The following CFAP276 variants were observed in gnomAD, a reference collection of about 807,000 sequenced individuals.
CFAP276 encodes the protein cilia and flagella associated protein 276.
the CFAP276 span, chr1:109,106,529 C>T: frequency 1.2e-6 from 2 of 1,613,700 alleles, no homozygotes; most frequent in Non-Finnish European, 1.7e-6. Context: ...GTCCTCTAAC[C>T]CTTACCTATG....
the CFAP276 span, chr1:109,107,936 G>T: frequency 1.7e-3 from 2,768 of 1,608,268 alleles, 47 homozygotes; most frequent in African/African-American, 0.033. Context: ...GATCAAAATA[G>T]TAGGCATCCC....
chr1:109,112,860 C>G, the CFAP276 span: 3 of 1,016,708 alleles, frequency 3.0e-6, no homozygotes, highest in Non-Finnish European at 2.7e-6. Context: ...CGGCTGACCA[C>G]GGGAGGCCCC....
chr1:109,106,634 A>C, the CFAP276 span: 3 of 1,613,964 alleles, frequency 1.9e-6, no homozygotes, highest in South Asian at 3.3e-5. Flanking sequence ...GGGGTTAAAA[A>C]TTCTCCAGGG....
At chr1:109,112,921 C>CG in the CFAP276 span, among the ~76,000 whole-genome samples, 98 of 152,072 alleles carry the variant, frequency 6.4e-4, no homozygotes, top group African/African-American at 2.3e-3. Flanking sequence ...TGAGCGGGCC[C>CG]GAGACTTGGA....
the CFAP276 span, among the ~76,000 whole-genome samples, chr1:109,110,399 A>T: frequency 6.6e-6 from 1 of 152,206 alleles, no homozygotes; most frequent in Non-Finnish European, 1.5e-5. Flanking sequence ...CTTGCTAGTT[A>T]TCAATGATCT....
At chr1:109,108,436 C>T in the CFAP276 span, among the ~76,000 whole-genome samples, 56 of 152,330 alleles carry the variant, frequency 3.7e-4, no homozygotes, top group African/African-American at 1.3e-3. Context: ...AGCCATCATG[C>T]CCGGCCCCAT....
chr1:109,112,679 T>C, the CFAP276 span: 1 of 1,550,274 alleles, frequency 6.5e-7, no homozygotes, highest in Non-Finnish European at 8.7e-7. Context: ...GTGGGAGGCA[T>C]GGCTAAATGC....
the CFAP276 span, chr1:109,113,630 T>C: frequency 8.1e-6 from 13 of 1,613,746 alleles, no homozygotes; most frequent in Non-Finnish European, 8.5e-7. Flanking sequence ...AGGGAACACG[T>C]ACTGGGGCCT....
At chr1:109,107,286 T>C in the CFAP276 span, among the ~76,000 whole-genome samples, 5 of 152,248 alleles carry the variant, frequency 3.3e-5, no homozygotes, top group African/African-American at 1.2e-4. Flanking sequence ...ATAACTCTTG[T>C]TGATATGGAA....
the CFAP276 span, chr1:109,107,062 A>G: frequency 6.2e-7 from 1 of 1,614,126 alleles, no homozygotes; most frequent in Non-Finnish European, 8.5e-7. Context: ...TTGTTCTTGA[A>G]TGTCCCAGTG....
At chr1:109,112,667 G>C in the CFAP276 span, 1 of 1,550,412 alleles carries the variant, frequency 6.4e-7, no homozygotes, top group South Asian at 1.2e-5. Context: ...AAAGGGTCCC[G>C]GGTGGGAGGC....
At chr1:109,113,647 G>A in the CFAP276 span, 4 of 1,613,936 alleles carry the variant, frequency 2.5e-6, no homozygotes, top group African/African-American at 5.3e-5. Context: ...GCCTCTTCCA[G>A]GCGACGACGT....
At chr1:109,113,453 A>AGGGAGT in the CFAP276 span, among the ~76,000 whole-genome samples, 1 of 139,778 alleles carries the variant, frequency 7.2e-6, no homozygotes, top group Admixed American at 7.3e-5. Context: ...AGAGAGAGAG[A>AGGGAGT]GAGAGAGAGA....
At chr1:109,106,061 G>C in the CFAP276 span, 8 of 1,613,710 alleles carry the variant, frequency 5.0e-6, no homozygotes, top group Admixed American at 6.7e-5. Context: ...CTTTCTTTCG[G>C]GAGTAGCCTC....
chr1:109,106,311 G>A, the CFAP276 span, among the ~76,000 whole-genome samples: 1 of 152,142 alleles, frequency 6.6e-6, no homozygotes, highest in African/African-American at 2.4e-5. Context: ...TAGACCTAAG[G>A]CTGAGCAAAG....
the CFAP276 span, among the ~76,000 whole-genome samples, chr1:109,110,819 T>A: frequency 6.6e-6 from 1 of 152,228 alleles, no homozygotes; most frequent in Non-Finnish European, 1.5e-5. Flanking sequence ...ATCTACATAG[T>A]TGATGTTTCT....
chr1:109,112,640 C>T, the CFAP276 span: 1 of 1,550,624 alleles, frequency 6.4e-7, no homozygotes, highest in African/African-American at 1.4e-5. Flanking sequence ...TCATCGTTAT[C>T]TAATGTAGGC....
chr1:109,112,707 G>T, the CFAP276 span: 1 of 1,548,544 alleles, frequency 6.5e-7, no homozygotes, highest in East Asian at 2.4e-5. Context: ...TTTTAAGAGG[G>T]ATGGGAGGCC....
At chr1:109,107,274 T>C in the CFAP276 span, 2 of 631,062 alleles carry the variant, frequency 3.2e-6, no homozygotes. Context: ...TTGTTGTATA[T>C]GATAACTCTT....
Sources: allele counts gnomAD v4.1 joint callset (sites outside exome capture counted in the v4.1 genomes callset), GRCh38; gene constraint gnomAD v4.1.1; transcripts MANE v1.5; gene names NCBI Gene and HGNC (gene_info 2026-07-23, HGNC 2026-07-21).